PLA2G4C: variants seen among roughly 807,000 people sequenced by gnomAD.
PLA2G4C encodes the protein phospholipase A2 group IVC.
In PLA2G4C, 64 loss-of-function variants were observed where a neutral mutation model predicts 73.8. The ratio of observed to expected loss-of-function variants is 0.87; its 90% CI spans 0.71 to 1.07. PLA2G4C has a LOEUF of 1.07. Among genes scored for constraint, PLA2G4C ranks in the 50% least tolerant of loss-of-function variants. The pLI is 0.00. For synonymous variants in PLA2G4C, 254 were observed against 252.1 expected, an observed-to-expected ratio of 1.01 and a Z score of -0.07; for missense variants, 622 against 665.4, an observed-to-expected ratio of 0.93 and a Z score of 0.72.
Position 48,110,551 on chromosome 19 carries a change from A to T in PLA2G4C, c.-97T>A. The T allele has an allele frequency of 6.6e-7, 1 of 1,519,910 alleles. No individual in the cohort carries two copies. Among genetic ancestry groups the T allele is most frequent in the Non-Finnish European group, 8.8e-7 (1 of 1,136,652 alleles). The allele number at this position is 1,519,910 out of a possible 1,614,324, so 94.2% of individuals were successfully genotyped here. ...GCTTGTGCTCCGGAATCCGGTGCGG[A>T]GGCTTGGGCTCCCTGCGCTTAGCGG... On this transcript the variant is annotated 5_prime_UTR_variant, in exon 1 of 17. Coordinates refer to ENST00000599921, the MANE Select transcript of PLA2G4C (RefSeq NM_003706.3).
chr19:48,083,438 CT>C (rs201023920), intron 10 of PLA2G4C, among the ~76,000 whole-genome samples: 3,735 of 40,436 alleles, frequency 0.092, 168 homozygotes, highest in African/African-American at 0.23. Context: ...TTTTCTTTTT[CT>C]TTTTCTTTTT....
intron 5 of PLA2G4C, among the ~76,000 whole-genome samples, chr19:48,099,213 G>A (rs1380249155): frequency 6.6e-6 from 1 of 152,038 alleles, no homozygotes; most frequent in Admixed American, 6.5e-5. Context: ...AAGCTGCAGT[G>A]AGCCATGATC....
At chr19:48,094,169 A>G (rs910892987) in intron 7 of PLA2G4C, among the ~76,000 whole-genome samples, 1 of 152,176 alleles carries the variant, frequency 6.6e-6, no homozygotes. Context: ...CATCAGGTCC[A>G]TGCTCAAAGG....
At chr19:48,093,903 T>G (rs1365223096) in intron 7 of PLA2G4C, among the ~76,000 whole-genome samples, 1 of 152,158 alleles carries the variant, frequency 6.6e-6, no homozygotes, top group Non-Finnish European at 1.5e-5. Flanking sequence ...TTCTTTGGCT[T>G]GCTCTTCTCT....
chr19:48,101,674 C>CTTTTTTTTTTTTTTTTT (rs71181648), intron 4 of PLA2G4C, among the ~76,000 whole-genome samples: 2 of 131,834 alleles, frequency 1.5e-5, no homozygotes, highest in African/African-American at 5.7e-5. Flanking sequence ...CCTTTAATAT[C>CTTTTTTTTTTTTTTTTT]TTTTTTTTTT....
At chr19:48,087,691 T>C (rs1489444067) in intron 9 of PLA2G4C, among the ~76,000 whole-genome samples, 1 of 151,932 alleles carries the variant, frequency 6.6e-6, no homozygotes, top group African/African-American at 2.4e-5. Context: ...TCCCAGCACT[T>C]TGGGAGGCCG....
intron 2 of PLA2G4C, among the ~76,000 whole-genome samples, chr19:48,105,794 C>A (rs1429210586): frequency 9.8e-5 from 10 of 101,716 alleles, no homozygotes; most frequent in Admixed American, 2.1e-4. Flanking sequence ...ATACCTCCCT[C>A]CCTCCCTCCC....
intron 3 of PLA2G4C, 60 bp downstream of exon 3, chr19:48,105,273 C>T (rs931145413): frequency 5.2e-5 from 59 of 1,131,148 alleles, no homozygotes; most frequent in Non-Finnish European, 7.4e-5. Context: ...GGGCCCTGGA[C>T]ACTGGGCACA....
chr19:48,083,392 C>CTTT, intron 10 of PLA2G4C, among the ~76,000 whole-genome samples: 12 of 105,804 alleles, frequency 1.1e-4, no homozygotes, highest in East Asian at 5.5e-4. Flanking sequence ...ATTTTCTTTT[C>CTTT]TTTTTTTTTT....
chr19:48,069,934 A>AT (rs1024395150), intron 12 of PLA2G4C, among the ~76,000 whole-genome samples: 55 of 151,694 alleles, frequency 3.6e-4, no homozygotes, highest in Non-Finnish European at 7.4e-4. Context: ...CCGGCTAAAT[A>AT]TTTTTTTGTA....
At chr19:48,093,771 A>C (rs1373068638) in intron 7 of PLA2G4C, among the ~76,000 whole-genome samples, 1 of 152,090 alleles carries the variant, frequency 6.6e-6, no homozygotes, top group African/African-American at 2.4e-5. Context: ...TAATCCCCAG[A>C]TGTTGAGGGA....
intron 4 of PLA2G4C, among the ~76,000 whole-genome samples, chr19:48,100,806 C>A (rs1159190510): frequency 6.8e-6 from 1 of 147,840 alleles, no homozygotes; most frequent in Non-Finnish European, 1.5e-5. Flanking sequence ...CCTAGCTACT[C>A]GAGAGGCTGA....
intron 10 of PLA2G4C, among the ~76,000 whole-genome samples, chr19:48,080,190 G>A (rs992296150): frequency 5.9e-5 from 9 of 151,874 alleles, no homozygotes; most frequent in Non-Finnish European, 1.2e-4. Flanking sequence ...TTTCTCAAAA[G>A]AAGATATTCC....
intron 13 of PLA2G4C, among the ~76,000 whole-genome samples, chr19:48,066,067 A>G (rs1238914473): frequency 6.6e-6 from 1 of 151,834 alleles, no homozygotes; most frequent in Admixed American, 6.6e-5. Flanking sequence ...AGCCTGGGCA[A>G]AAAGAGCAAA....
intron 7 of PLA2G4C, among the ~76,000 whole-genome samples, chr19:48,091,564 C>T (rs2031298221): frequency 6.6e-6 from 1 of 152,058 alleles, no homozygotes; most frequent in Admixed American, 6.6e-5. Context: ...TTTAGCCAAA[C>T]ACATTTGTAT....
At chr19:48,087,623 A>T (rs1332263279) in intron 9 of PLA2G4C, among the ~76,000 whole-genome samples, 1 of 152,016 alleles carries the variant, frequency 6.6e-6, no homozygotes, top group Non-Finnish European at 1.5e-5. Flanking sequence ...GGTGGCTCCA[A>T]CCCTTCTGCC....
intron 16 of PLA2G4C, among the ~76,000 whole-genome samples, chr19:48,049,877 C>T (rs11564661): frequency 0.21 from 32,398 of 152,100 alleles, 3,927 homozygotes; most frequent in Non-Finnish European, 0.27. Context: ...CTTCCAGCCT[C>T]CAGAACTGTG....
At chr19:48,075,818 CT>C (rs1600198769) in intron 11 of PLA2G4C, among the ~76,000 whole-genome samples, 1 of 151,936 alleles carries the variant, frequency 6.6e-6, no homozygotes. Flanking sequence ...GGTTGTCGCT[CT>C]GTCACCAGGC....
rs2031686207 is a variant in PLA2G4C, at chr19:48,097,946, G to GC, written c.568+192dup. The GC allele has an allele frequency of 5.6e-6, 3 of 537,894 alleles. No homozygotes were observed. In the South Asian group the frequency reaches 9.0e-5, roughly 16 times the overall value. 33.3% of individuals were successfully genotyped at this position (537,894 alleles called of 1,614,324 possible). On this transcript the variant is annotated intron_variant, in intron 6 of 16. Transcript: ENST00000599921. Reference sequence around the variant, plus strand: ...TAAAGGTTTTCTTGATCCATGCAAAGCAAGTGCATGTCCTCTGGTCACTTC... The same window carrying GC: ...TAAAGGTTTTCTTGATCCATGCAAAGCCAAGTGCATGTCCTCTGGTCACTTC...
Sources: gnomAD v4.1 joint callset for allele counts (sites outside exome capture counted in the v4.1 genomes callset) on GRCh38, gnomAD v4.1.1 for gene constraint, MANE v1.5 for transcripts, NCBI Gene and HGNC (gene_info 2026-07-23, HGNC 2026-07-21) for gene names.